The following BNIP3L variants were observed in gnomAD, a reference collection of about 807,000 sequenced individuals.
BNIP3L encodes the protein BCL2/adenovirus E1B 19 kDa protein-interacting protein 3-like.
A neutral mutation model predicts 25.5 loss-of-function variants in BNIP3L; 10 were observed. That is an observed-to-expected ratio of 0.39 (90% confidence interval 0.24 to 0.67). The LOEUF (loss-of-function observed/expected upper bound fraction) is 0.67, where lower values mean the gene tolerates loss of function less well. Ranked by LOEUF, BNIP3L falls within the 30% of genes least tolerant of loss-of-function variation. BNIP3L has a pLI of 0.45. For synonymous variants in BNIP3L, 113 were observed against 101.2 expected (o/e 1.12, Z -0.70); for missense variants, 215 against 270.9 (o/e 0.79, Z 1.45).
chr8:26,389,245 C>A (rs117276527), intron 1 of BNIP3L, among the ~76,000 whole-genome samples: 4,415 of 152,062 alleles, frequency 0.029, 79 homozygotes, highest in Middle Eastern at 0.061. Flanking sequence ...TTTGAAAATC[C>A]TAGAAACAGT....
At position 26,383,222 on chromosome 8, in the gene BNIP3L, G is replaced by A. The variant is rs1805895426; in HGVS notation, c.92G>A (p.Gly31Asp). ...ENEQSLPPPA[G>D]LNSSWVELPM... ...GAGCAGTCTCTGCCCCCGCCGGCCG[G>A]CCTCAACAGTGAGTGCGGGGCCGAG... The change falls in exon 1 of 6, where the codon GGC (glycine) becomes GAC (aspartate). Residue 31 changes from glycine (G) to aspartate (D), a missense_variant. Physicochemically the swap from Gly to Asp is moderately conservative, Grantham distance 94 (BLOSUM62 -1). Coordinates refer to ENST00000380629, the MANE Select transcript of BNIP3L (RefSeq NM_004331.3). The A allele has an allele frequency of 6.2e-7, 1 of 1,609,570 alleles. No individual in the cohort carries two copies. Among genetic ancestry groups the A allele is most frequent in the Non-Finnish European group, 8.5e-7 (1 of 1,178,628 alleles).
intron 3 of BNIP3L, 138 bp from the exon 4 acceptor site, chr8:26,407,862 A>T: frequency 1.4e-6 from 1 of 723,664 alleles, no homozygotes; most frequent in Non-Finnish European, 2.3e-6. Context: ...AGCATTTTTT[A>T]GAAAAGCAAC....
At position 26,412,903 on chromosome 8, in the gene BNIP3L, A is replaced by G. The variant is rs553118428; in HGVS notation, c.*2491A>G. ...AAGTGCAACAAGTTCCCGTGATTGCAGTAAAAATATTTACTATTCTAAAAA... is the reference window on the plus strand; with the variant it reads ...AAGTGCAACAAGTTCCCGTGATTGCGGTAAAAATATTTACTATTCTAAAAA... On this transcript the variant is annotated 3_prime_UTR_variant, in exon 6 of 6. Coordinates refer to ENST00000380629, the MANE Select transcript of BNIP3L (RefSeq NM_004331.3). 1.6e-4 allele frequency: 25 copies of G among 152,748 alleles called. No homozygotes were observed. The East Asian group carries it at 4.4e-3, about 27-fold the overall frequency. 9.5% of individuals were successfully genotyped at this position (152,748 alleles called of 1,614,324 possible). A position where few individuals can be genotyped will look rare whatever the true frequency, so the allele number is the denominator to read the frequency against.
intron 5 of BNIP3L, among the ~76,000 whole-genome samples, chr8:26,409,787 G>A (rs1806580658): frequency 6.6e-6 from 1 of 152,170 alleles, no homozygotes; most frequent in African/African-American, 2.4e-5. Context: ...TTGCACTGGA[G>A]GTGAAGCTAG....
At chr8:26,391,875 A>G (rs945311395) in intron 2 of BNIP3L, among the ~76,000 whole-genome samples, 1 of 152,230 alleles carries the variant, frequency 6.6e-6, no homozygotes, top group Non-Finnish European at 1.5e-5. Flanking sequence ...CTTCACAGTA[A>G]TGGTGCTGGC....
rs546515882 is a variant in BNIP3L at position 26,390,842 on chromosome 8, T to TTAGG, written c.101-397_101-394dup. Among the ~76,000 whole-genome samples, 484 of 152,312 alleles carry TTAGG rather than the reference T, an allele frequency of 3.2e-3. 3 individuals carry two copies. Among genetic ancestry groups the TTAGG allele is most frequent in the African/African-American group, 0.011 (465 of 41,560 alleles). On this transcript the variant is annotated intron_variant, in intron 1 of 5. Transcript: ENST00000380629. The stretch of plus-strand genomic sequence containing the variant: ...TCTGGAGCAGATACAGCTGAGCAGC[T>TTAGG]TAGGTAGACTATGAAGAAAGTGTGT...
chr8:26,387,427 G>A (rs1806015719), intron 1 of BNIP3L, among the ~76,000 whole-genome samples: 1 of 152,202 alleles, frequency 6.6e-6, no homozygotes, highest in Non-Finnish European at 1.5e-5. Flanking sequence ...TCATTAGGAG[G>A]AGAATTCACT....
At chr8:26,384,726 C>CT (rs1563336450) in intron 1 of BNIP3L, among the ~76,000 whole-genome samples, 4 of 95,650 alleles carry the variant, frequency 4.2e-5, no homozygotes, top group Admixed American at 1.3e-4. Context: ...CTTTTGAGGA[C>CT]ATTTTTTTTT....
rs573753766 is a variant in BNIP3L, at chr8:26,411,105, G to A, written c.*693G>A. 3.9e-5 allele frequency: 6 copies of A among 152,626 alleles called. No homozygotes were observed. The South Asian group carries it at 1.2e-3, about 32-fold the overall frequency. The allele number at this position is 152,626 out of a possible 1,614,324, so 9.5% of individuals were successfully genotyped here. On this transcript the variant is annotated 3_prime_UTR_variant, in exon 6 of 6. Coordinates refer to ENST00000380629, the MANE Select transcript of BNIP3L (RefSeq NM_004331.3). ...GAATAAGAAGTAAAATACATCAGCA[G>A]ATTTTCATACTAGTATGTTGTAATG...
intron 2 of BNIP3L, among the ~76,000 whole-genome samples, chr8:26,391,854 A>T (rs976353761): frequency 3.3e-5 from 5 of 152,128 alleles, no homozygotes; most frequent in Admixed American, 1.3e-4. Flanking sequence ...GCCATGTTTA[A>T]TTTTTATTAC....
chr8:26,388,807 CTAAATAAATAAATAAA>C (rs3837185), intron 1 of BNIP3L, among the ~76,000 whole-genome samples: 3 of 143,872 alleles, frequency 2.1e-5, no homozygotes, highest in South Asian at 2.2e-4. Flanking sequence ...CCTGTCTCTA[CTAAATAAATAAATAAA>C]TAAATAAATA....
At chr8:26,394,776 C>G (rs949903897) in intron 2 of BNIP3L, among the ~76,000 whole-genome samples, 1 of 152,198 alleles carries the variant, frequency 6.6e-6, no homozygotes, top group Non-Finnish European at 1.5e-5. Flanking sequence ...GAGAAAGGAA[C>G]TGTAACCTCA....
rs1474430964 is a variant in BNIP3L, at chr8:26,397,735, G to C, written c.357+2433G>C. Among the ~76,000 whole-genome samples the C allele has an allele frequency of 2.3e-4, 14 of 60,622 alleles. 2 individuals are homozygous for C. Among genetic ancestry groups the C allele is most frequent in the African/African-American group, 8.0e-4 (12 of 15,028 alleles). 39.8% of individuals were successfully genotyped at this position (60,622 alleles called of 152,430 possible). Reference sequence around the variant, plus strand: ...GCTGTATTCAGGAAACCCATCTCACGTGCAGAGACACACATAGGCTCAAAA... The same window carrying C: ...GCTGTATTCAGGAAACCCATCTCACCTGCAGAGACACACATAGGCTCAAAA... On this transcript the variant is annotated intron_variant, in intron 3 of 5. Transcript: ENST00000380629.
At position 26,383,245 on chromosome 8, in the gene BNIP3L, G is replaced by T; in HGVS notation, c.100+15G>T. On this transcript the variant is annotated intron_variant, in intron 1 of 5. Coordinates refer to ENST00000380629, the MANE Select transcript of BNIP3L (RefSeq NM_004331.3). ...CGGCCTCAACAGTGAGTGCGGGGCC[G>T]AGGCTCTGTGAAGGGGATGGGGGAG... 6.3e-7 allele frequency: 1 copy of T among 1,599,166 alleles called. No homozygotes were observed. The highest frequency in any genetic ancestry group is 8.5e-7 in the Non-Finnish European group (1 of 1,173,444).
chr8:26,383,199 G>T lies in BNIP3L; in HGVS notation c.69G>T (p.Glu23Asp). 6.2e-7 allele frequency: 1 copy of T among 1,612,130 alleles called. No individual in the cohort carries two copies. The highest frequency in any genetic ancestry group is 1.3e-5 in the African/African-American group (1 of 75,032). ...ACAACAACAACTGCGAGGAAAATGA[G>T]CAGTCTCTGCCCCCGCCGGCCGGCC... ...HNNNNNCEEN[E>D]QSLPPPAGLN... is the part of the protein sequence containing the mutation. Residue 23 changes from glutamate to aspartate, a missense_variant, in exon 1 of 6, where the codon GAG becomes GAT. Physicochemically the swap from Glu to Asp is conservative, Grantham distance 45. This residue lies in a region of BNIP3L where 69 missense variants were observed against 53.6 expected (regional missense o/e 1.29). Coordinates refer to ENST00000380629, the MANE Select transcript of BNIP3L (RefSeq NM_004331.3).
In BNIP3L at chr8:26,411,858, C is replaced by T. The variant is rs1806632406; in HGVS notation, c.*1446C>T. On this transcript the variant is annotated 3_prime_UTR_variant, in exon 6 of 6. Coordinates refer to ENST00000380629, the MANE Select transcript of BNIP3L (RefSeq NM_004331.3). Reference sequence around the variant, plus strand: ...ACATTGATATTGACTATTTAGAGAACCGTTGTTAATTTTAAAACTAGCAAT... The same window carrying T: ...ACATTGATATTGACTATTTAGAGAATCGTTGTTAATTTTAAAACTAGCAAT... The T allele has an allele frequency of 6.6e-6, 1 of 152,488 alleles. No homozygotes were observed. Among genetic ancestry groups the T allele is most frequent in the African/African-American group, 2.4e-5 (1 of 41,400 alleles). The allele number at this position is 152,488 out of a possible 1,614,324, so 9.4% of individuals were successfully genotyped here.
chr8:26,403,624 G>A (rs1388163963), intron 3 of BNIP3L, among the ~76,000 whole-genome samples: 2 of 151,362 alleles, frequency 1.3e-5, no homozygotes, highest in South Asian at 2.1e-4. Flanking sequence ...CACAGACTTC[G>A]ATTCCCGGCT....
intron 3 of BNIP3L, among the ~76,000 whole-genome samples, chr8:26,403,563 G>A (rs966636622): frequency 3.3e-5 from 5 of 151,412 alleles, no homozygotes; most frequent in Non-Finnish European, 7.4e-5. Context: ...AGCGTCTCAG[G>A]GTCTTGCTTT....
At chr8:26,395,871 C>T (rs1309317087) in intron 3 of BNIP3L, 1 of 154,650 alleles carries the variant, frequency 6.5e-6, no homozygotes, top group Non-Finnish European at 1.4e-5. Flanking sequence ...ACGGACGCAC[C>T]TGGAAAATCG....
Sources: allele counts gnomAD v4.1 joint callset (sites outside exome capture counted in the v4.1 genomes callset), GRCh38; gene constraint gnomAD v4.1.1; regional missense constraint gnomAD v4.1.1; transcripts MANE v1.5; gene names NCBI Gene and HGNC (gene_info 2026-07-23, HGNC 2026-07-21).